The following COL2A1 variants were observed in gnomAD, a reference collection of about 807,000 sequenced individuals.
The protein encoded by COL2A1 is collagen alpha-1(II) chain.
Under a neutral mutation model 204.5 loss-of-function variants are expected in COL2A1, and 28 were observed. That is an observed-to-expected ratio of 0.14 (90% CI 0.10 to 0.19). The LOEUF (loss-of-function observed/expected upper bound fraction) is 0.19, where lower values mean the gene tolerates loss of function less well. COL2A1 is among the 10% of genes least tolerant of loss of function. COL2A1 has a pLI of 1.00. For synonymous variants in COL2A1, 708 were observed against 718.7 expected, an observed-to-expected ratio of 0.99 and a Z score of 0.24; for missense variants, 1,388 against 2,027.5, an observed-to-expected ratio of 0.68 and a Z score of 6.06.
In COL2A1 at chr12:47,985,088, G is replaced by T. The variant is rs1299049227; in HGVS notation, c.1740C>A (p.Ala580=). 1 of 1,612,764 alleles carries T rather than the reference G, an allele frequency of 6.2e-7. No homozygotes were observed. The highest frequency in any genetic ancestry group is 8.5e-7 in the Non-Finnish European group (1 of 1,179,342). The change falls in exon 27 of 54, where the codon GCC becomes GCA. Residue 580 remains alanine, a synonymous_variant. Transcript: ENST00000380518. Reference sequence around the variant, plus strand: ...GTCCAGGACGACCATCTTCACCAGGGGCTCCCTGAAAGACAGAACACCATT... The same window carrying T: ...GTCCAGGACGACCATCTTCACCAGGTGCTCCCTGAAAGACAGAACACCATT... The part of the protein sequence containing the change: ...GPQGKVGPSG[A]PGEDGRPGPP...
chr12:47,979,629 CG>C, intron 40 of COL2A1, 65 bp from the exon 41 acceptor site: 4 of 744,886 alleles, frequency 5.4e-6, no homozygotes, highest in Non-Finnish European at 8.2e-6. Context: ...TTAAAATGGG[CG>C]GGGGGCGGGG....
chr12:47,988,064 G>A (rs574719095), intron 18 of COL2A1, among the ~76,000 whole-genome samples: 13 of 152,282 alleles, frequency 8.5e-5, no homozygotes, highest in Non-Finnish European at 1.3e-4. Flanking sequence ...TCCTGGCACC[G>A]TGGGATGATG....
At chr12:48,003,861 G>A (rs1940347366) in intron 1 of COL2A1, among the ~76,000 whole-genome samples, 1 of 152,168 alleles carries the variant, frequency 6.6e-6, no homozygotes, top group Non-Finnish European at 1.5e-5. Context: ...TGTTTTTGCT[G>A]AACTCGAAGT....
chr12:47,997,307 C>T (rs1288518421), intron 7 of COL2A1, among the ~76,000 whole-genome samples: 1 of 152,206 alleles, frequency 6.6e-6, no homozygotes, highest in African/African-American at 2.4e-5. Context: ...AGTCATCCTT[C>T]CTCCTATCCC....
intron 36 of COL2A1, 120 bp downstream of exon 36, chr12:47,981,656 A>G (rs903969652): frequency 1.2e-5 from 15 of 1,221,658 alleles, no homozygotes; most frequent in Admixed American, 2.0e-5. Context: ...CTTCACTCCT[A>G]CGGCCTTGGC....
At chr12:47,990,342 C>G (rs1351188933) in intron 16 of COL2A1, among the ~76,000 whole-genome samples, 1 of 152,210 alleles carries the variant, frequency 6.6e-6, no homozygotes, top group Admixed American at 6.5e-5. Context: ...ATCATTTTCT[C>G]TTTTCTTCAA....
At position 47,983,405 on chromosome 12, in the gene COL2A1, C is replaced by G; in HGVS notation, c.2029G>C (p.Gly677Arg). ...LPGPPGPPGE[G>R]GKPGDQGVPG... ...CTCACCTGGTCACCTGGTTTTCCAC[C>G]TTCACCTGGGGGACCAGGAGGGCCA... Residue 677 changes from glycine (G) to arginine (R), a missense_variant, in exon 31 of 54, where the codon GGT becomes CGT. Physicochemically the swap from Gly to Arg is moderately radical, Grantham distance 125. Around this residue, in one of 3 missense-constraint regions of COL2A1, gnomAD observed 884 missense variants for 1,415.8 expected, o/e 0.62. Transcript: ENST00000380518. 6.2e-7 allele frequency: 1 copy of G among 1,614,170 alleles called. No homozygotes were observed. The highest frequency in any genetic ancestry group is 1.1e-5 in the South Asian group (1 of 91,080).
intron 37 of COL2A1, 100 bp from the exon 38 acceptor site, chr12:47,981,068 C>G (rs1939049403): frequency 1.6e-6 from 2 of 1,250,348 alleles, no homozygotes; most frequent in African/African-American, 3.0e-5. Flanking sequence ...CCTCCTGTTC[C>G]CCAGAGACGG....
chr12:47,999,791 C>A, intron 2 of COL2A1, 128 bp downstream of exon 2: 1 of 791,406 alleles, frequency 1.3e-6, no homozygotes. Context: ...TCCTTTCTAC[C>A]CCAGCTACCA....
At chr12:47,983,335 A>G (rs761365424) in intron 31 of COL2A1, 50 bp downstream of exon 31, 2 of 1,598,806 alleles carry the variant, frequency 1.3e-6, no homozygotes, top group Non-Finnish European at 1.7e-6. Flanking sequence ...GGCATCAGAA[A>G]AGACCTTCCC....
In COL2A1 at chr12:47,980,591, G is replaced by A. The variant is rs1338557436; in HGVS notation, c.2588C>T (p.Pro863Leu). Residue 863 changes from proline to leucine, a missense_variant, in exon 39 of 54, where the codon CCT becomes CTT. Pro to Leu is a moderately conservative substitution (Grantham distance 98). This residue lies in a region of COL2A1 where 884 missense variants were observed against 1,415.8 expected (regional missense o/e 0.62). Coordinates refer to ENST00000380518, the MANE Select transcript of COL2A1 (RefSeq NM_001844.5). The surrounding 1 kb of genome is among the most constrained non-coding windows in gnomAD (Gnocchi z 4.5). ...TGCTCCAGAGGGGCCCTGAGGACCA[G>A]GGGCACCAGCATCGCCTTTCTGGCC... ...EAGQKGDAGAPGPQGPSGAPG... is the reference protein window; with the variant it reads ...EAGQKGDAGALGPQGPSGAPG... 6.2e-7 allele frequency: 1 copy of A among 1,612,576 alleles called. No homozygotes were observed. Among genetic ancestry groups the A allele is most frequent in the Non-Finnish European group, 8.5e-7 (1 of 1,179,556 alleles).
chr12:47,993,528 T>C (rs1210166677), intron 14 of COL2A1, 26 bp from the exon 15 acceptor site: 3 of 1,609,880 alleles, frequency 1.9e-6, no homozygotes, highest in African/African-American at 1.3e-5. Context: ...ACAAGGTCAG[T>C]GTCTGGGACC....
chr12:47,995,429 G>C (rs1454974884), intron 10 of COL2A1, 121 bp from the exon 11 acceptor site: 2 of 942,436 alleles, frequency 2.1e-6, no homozygotes, highest in East Asian at 4.8e-5. Context: ...AAGATGGGAA[G>C]GTCAGAGCAA....
At chr12:48,000,785 A>G (rs1281756923) in intron 1 of COL2A1, among the ~76,000 whole-genome samples, 1 of 152,232 alleles carries the variant, frequency 6.6e-6, no homozygotes, top group Non-Finnish European at 1.5e-5. Context: ...GAACCATATT[A>G]GAATTAGGAC....
intron 22 of COL2A1, 99 bp from the exon 23 acceptor site, chr12:47,986,542 C>T: frequency 1.3e-6 from 1 of 753,306 alleles, no homozygotes; most frequent in Non-Finnish European, 2.2e-6. Flanking sequence ...GCAACTGTTT[C>T]AGGGCTGGGG....
chr12:47,981,455 AG>A, intron 36 of COL2A1, 59 bp from the exon 37 acceptor site: 1 of 1,491,344 alleles, frequency 6.7e-7, no homozygotes. Flanking sequence ...AGAGTGGGAG[AG>A]GGCAAAGTGC....
chr12:48,001,586 C>A (rs981929662), intron 1 of COL2A1, among the ~76,000 whole-genome samples: 2 of 152,146 alleles, frequency 1.3e-5, no homozygotes, highest in South Asian at 2.1e-4. Flanking sequence ...GGCCACTCCC[C>A]GTGCGGATCA....
At chr12:48,003,829 C>T (rs1315300403) in intron 1 of COL2A1, among the ~76,000 whole-genome samples, 1 of 152,170 alleles carries the variant, frequency 6.6e-6, no homozygotes, top group African/African-American at 2.4e-5. Context: ...CCTACTTCAC[C>T]TAAGTTCGAT....
intron 17 of COL2A1, 95 bp downstream of exon 17, chr12:47,989,666 T>C: frequency 9.7e-7 from 1 of 1,029,652 alleles, no homozygotes; most frequent in Non-Finnish European, 1.5e-6. Context: ...AGTGCTGCTG[T>C]GGTTGCACCC....
Sources: gnomAD v4.1 joint callset for allele counts (sites outside exome capture counted in the v4.1 genomes callset) on GRCh38, gnomAD v4.1.1 for gene constraint, gnomAD v4.1.1 regional missense constraint, Gnocchi (gnomAD v3.1) non-coding constraint, MANE v1.5 for transcripts, NCBI Gene and HGNC (gene_info 2026-07-23, HGNC 2026-07-21) for gene names.